The following ERICH5 variants were observed in gnomAD, a reference collection of about 807,000 sequenced individuals.
ERICH5 encodes the protein glutamate-rich protein 5.
In ERICH5, 24 loss-of-function variants were observed where a neutral mutation model predicts 28.0. The observed-to-expected ratio is 0.86, with a 90% CI of 0.62 to 1.21. The LOEUF (loss-of-function observed/expected upper bound fraction) is 1.21. ERICH5 is among the 50% of genes most tolerant of loss of function. ERICH5 has a pLI of 0.00. For missense variants in ERICH5, 421 were observed against 441.2 expected (o/e 0.95, Z 0.41); for synonymous variants, 163 against 157.6 (o/e 1.03, Z -0.25).
At chr8:98,073,516 G>C (rs4998236) in intron 1 of ERICH5, among the ~76,000 whole-genome samples, 1,310 of 5,264 alleles carry the variant, frequency 0.25, 427 homozygotes, top group African/African-American at 0.5. Flanking sequence ...ATATATATAT[G>C]TATATATATA....
At chr8:98,065,098 C>G (rs1020364012) in intron 1 of ERICH5, among the ~76,000 whole-genome samples, 1 of 152,168 alleles carries the variant, frequency 6.6e-6, no homozygotes, top group Admixed American at 6.5e-5. Flanking sequence ...AGGCCTTCTA[C>G]CAAGGCTGGG....
At chr8:98,091,933 C>CTTTCTTTCTTTCT in intron 2 of ERICH5, among the ~76,000 whole-genome samples, 1 of 46,074 alleles carries the variant, frequency 2.2e-5, no homozygotes, top group African/African-American at 8.5e-5. Context: ...TTCTTTCTTT[C>CTTTCTTTCTTTCT]TTCCTTTCTT....
Position 98,089,147 on chromosome 8 carries a change from C to A in ERICH5, c.130C>A (p.Leu44Met). Residue 44 changes from leucine to methionine, a missense_variant, in exon 2 of 3, where the codon CTG becomes ATG. By Grantham distance (15) the Leu-to-Met change is conservative (BLOSUM62 2). Transcript: ENST00000318528. ...SCFAQPKPHALGRESTVDGNV... is the reference protein window; with the variant it reads ...SCFAQPKPHAMGRESTVDGNV... ...CTTTGCCCAACCAAAGCCACATGCA[C>A]TGGGAAGAGAATCTACTGTTGATGG... is the stretch of plus-strand genomic sequence containing the variant. 1 of 1,614,206 alleles carries A rather than the reference C, an allele frequency of 6.2e-7. No homozygotes were observed. The highest frequency in any genetic ancestry group is 8.5e-7 in the Non-Finnish European group (1 of 1,180,048).
In ERICH5 at chr8:98,091,560, G is replaced by A. The variant is rs184786207; in HGVS notation, c.1012+1531G>A. On this transcript the variant is annotated intron_variant, in intron 2 of 2. Transcript: ENST00000318528. The stretch of plus-strand genomic sequence containing the variant: ...CATGTCATACTGTGGGAGCCCAGGG[G>A]ACCTTGGCAAACAGGAGAGCACAGC... Among the ~76,000 whole-genome samples the A allele has an allele frequency of 8.5e-5, 13 of 152,330 alleles. No individual in the cohort carries two copies. In the East Asian group the frequency reaches 2.3e-3, roughly 27 times the overall value.
intron 1 of ERICH5, among the ~76,000 whole-genome samples, chr8:98,086,950 C>CAA (rs35907854): frequency 0.02 from 1,713 of 86,164 alleles, 19 homozygotes; most frequent in Non-Finnish European, 0.025. Flanking sequence ...GACTCCGTCT[C>CAA]AAAAAAAAAA....
intron 1 of ERICH5, among the ~76,000 whole-genome samples, chr8:98,079,721 G>T (rs1341805388): frequency 6.6e-6 from 1 of 152,090 alleles, no homozygotes; most frequent in Admixed American, 6.5e-5. Flanking sequence ...TGTATTTTTA[G>T]TAGAGACGGG....
chr8:98,074,197 T>C (rs920046141), intron 1 of ERICH5, among the ~76,000 whole-genome samples: 1 of 151,922 alleles, frequency 6.6e-6, no homozygotes, highest in Non-Finnish European at 1.5e-5. Flanking sequence ...TCACCTGGCC[T>C]TCCTCACTTT....
In ERICH5 at chr8:98,077,767, A is replaced by T. The variant is rs534934854; in HGVS notation, c.59-11309A>T. Among the ~76,000 whole-genome samples the T allele has an allele frequency of 3.9e-4, 60 of 152,108 alleles. No homozygotes were observed. The East Asian group carries it at 4.3e-3, about 11-fold the overall frequency. ...TTTCTTTCTGTAGAGATGAGGTCTCACTATGTTGCCCAGGCTCATCTCAAA... is the reference window on the plus strand; with the variant it reads ...TTTCTTTCTGTAGAGATGAGGTCTCTCTATGTTGCCCAGGCTCATCTCAAA... On this transcript the variant is annotated intron_variant, in intron 1 of 2. Coordinates refer to ENST00000318528, the MANE Select transcript of ERICH5 (RefSeq NM_173549.3).
chr8:98,064,845 C>A, intron 1 of ERICH5, 118 bp downstream of exon 1: 1 of 727,214 alleles, frequency 1.4e-6, no homozygotes, highest in Non-Finnish European at 2.1e-6. Flanking sequence ...CGGGCCTTGT[C>A]CCGGAGGATG....
At chr8:98,075,066 C>T (rs1245039709) in intron 1 of ERICH5, among the ~76,000 whole-genome samples, 3 of 152,080 alleles carry the variant, frequency 2.0e-5, no homozygotes, top group Admixed American at 6.6e-5. Flanking sequence ...GTATTTTTCT[C>T]ATGATGACAC....
chr8:98,087,107 T>G (rs981494401), intron 1 of ERICH5, among the ~76,000 whole-genome samples: 1 of 152,046 alleles, frequency 6.6e-6, no homozygotes, highest in Non-Finnish European at 1.5e-5. Context: ...CTCTGGGAAG[T>G]CAAGGCAGGT....
intron 1 of ERICH5, among the ~76,000 whole-genome samples, chr8:98,069,139 TC>T (rs1236344110): frequency 4.6e-5 from 7 of 152,242 alleles, no homozygotes; most frequent in Admixed American, 4.6e-4. Context: ...GGATTTTTTT[TC>T]TTTCAAATGT....
chr8:98,091,852 C>CTTTCT (rs1478267998), intron 2 of ERICH5, among the ~76,000 whole-genome samples: 1 of 84,310 alleles, frequency 1.2e-5, no homozygotes, highest in Non-Finnish European at 2.4e-5. Context: ...TTCTTTCTTT[C>CTTTCT]TTTCTTTCTT....
chr8:98,079,810 G>C (rs1437656547), intron 1 of ERICH5, among the ~76,000 whole-genome samples: 2 of 152,134 alleles, frequency 1.3e-5, no homozygotes, highest in Non-Finnish European at 2.9e-5. Context: ...AAAGTGCTGG[G>C]ATTACAGGGT....
intron 1 of ERICH5, among the ~76,000 whole-genome samples, chr8:98,072,564 G>T (rs1284009538): frequency 6.6e-6 from 1 of 152,160 alleles, no homozygotes; most frequent in Admixed American, 6.6e-5. Context: ...CTTGAACCTG[G>T]GAGGTAGAGG....
chr8:98,085,249 C>T (rs773718586), intron 1 of ERICH5, among the ~76,000 whole-genome samples: 1 of 146,888 alleles, frequency 6.8e-6, no homozygotes, highest in Non-Finnish European at 1.5e-5. Context: ...CAAGCTCCGC[C>T]TCCCAGTTTC....
intron 1 of ERICH5, among the ~76,000 whole-genome samples, chr8:98,075,109 G>C (rs1221385543): frequency 6.6e-6 from 1 of 152,146 alleles, no homozygotes; most frequent in African/African-American, 2.4e-5. Flanking sequence ...GAAGACCACA[G>C]AGATAAACTG....
chr8:98,065,037 T>G (rs1056122773), intron 1 of ERICH5, among the ~76,000 whole-genome samples: 26 of 152,248 alleles, frequency 1.7e-4, no homozygotes, highest in African/African-American at 6.0e-4. Flanking sequence ...GTTGAGGCCC[T>G]AAGGCGGTTA....
intron 1 of ERICH5, among the ~76,000 whole-genome samples, chr8:98,075,850 A>G (rs1476364431): frequency 1.5e-5 from 2 of 131,958 alleles, no homozygotes; most frequent in Non-Finnish European, 3.1e-5. Flanking sequence ...CCTGGGCTCA[A>G]GTTATTCACC....
Sources: allele counts gnomAD v4.1 joint callset (sites outside exome capture counted in the v4.1 genomes callset), GRCh38; gene constraint gnomAD v4.1.1; transcripts MANE v1.5; gene names NCBI Gene and HGNC (gene_info 2026-07-23, HGNC 2026-07-21).